Variants in CCDC91 observed in about 807,000 individuals in gnomAD.
CCDC91 encodes coiled-coil domain containing 91.
CCDC91 carries 48 observed loss-of-function variants against 63.2 expected under a neutral mutation model. That is an observed-to-expected ratio of 0.76 (90% confidence interval 0.60 to 0.97). The LOEUF (loss-of-function observed/expected upper bound fraction) is 0.97. Ranked by LOEUF, CCDC91 falls within the 50% of genes least tolerant of loss-of-function variation. The pLI is 0.00. For synonymous variants in CCDC91, 167 were observed against 165.8 expected (o/e 1.01, Z -0.06); for missense variants, 500 against 494.6 (o/e 1.01, Z -0.10).
intron 1 of CCDC91, among the ~76,000 whole-genome samples, chr12:28,219,611 A>G (rs979495667): frequency 6.6e-6 from 1 of 151,486 alleles, no homozygotes; most frequent in African/African-American, 2.4e-5. Context: ...AGCTGGGACT[A>G]CAGGTGTCTG....
rs189137888 is a variant in CCDC91, at chr12:28,463,586, G to C, written c.1101+10932G>C. 2.1e-3 allele frequency among the ~76,000 whole-genome samples: 317 copies of C among 152,238 alleles called. 5 individuals carry two copies. Among genetic ancestry groups the C allele is most frequent in the East Asian group, 1.2e-3 (6 of 5,170 alleles). Reference sequence around the variant, plus strand: ...GATGGCAGTTGAAAAGGTGAAGAAAGGACAGATAAACACTTTAAGGGGAAG... The same window carrying C: ...GATGGCAGTTGAAAAGGTGAAGAAACGACAGATAAACACTTTAAGGGGAAG... On this transcript the variant is annotated intron_variant, in intron 11 of 12. Coordinates refer to ENST00000536442, the MANE Select transcript of CCDC91 (RefSeq NM_018318.5).
At chr12:28,306,148 CG>C (rs965976080) in intron 4 of CCDC91, among the ~76,000 whole-genome samples, 6 of 151,864 alleles carry the variant, frequency 4.0e-5, no homozygotes, top group Non-Finnish European at 7.4e-5. Context: ...CGAATCTTAC[CG>C]CACATTTTCA....
At chr12:28,410,826 T>C (rs569688602) in intron 8 of CCDC91, among the ~76,000 whole-genome samples, 9 of 152,298 alleles carry the variant, frequency 5.9e-5, no homozygotes, top group East Asian at 1.9e-4. Flanking sequence ...CCAGCCTTAA[T>C]TGTGTTTTTA....
chr12:28,418,554 G>A (rs985721944), intron 8 of CCDC91, among the ~76,000 whole-genome samples: 1 of 151,904 alleles, frequency 6.6e-6, no homozygotes, highest in Non-Finnish European at 1.5e-5. Context: ...CCTTAATTGG[G>A]ATATAATCTC....
At chr12:28,472,572 A>T (rs1950875633) in intron 11 of CCDC91, among the ~76,000 whole-genome samples, 1 of 152,134 alleles carries the variant, frequency 6.6e-6, no homozygotes, top group Non-Finnish European at 1.5e-5. Context: ...CTATCATGAA[A>T]ATTGGTCACA....
At chr12:28,514,971 A>G (rs1939780860) in intron 12 of CCDC91, among the ~76,000 whole-genome samples, 2 of 151,786 alleles carry the variant, frequency 1.3e-5, no homozygotes, top group Admixed American at 1.3e-4. Context: ...CCCCATGACA[A>G]AAGTTGACCT....
chr12:28,466,193 G>A (rs1264430976), intron 11 of CCDC91, among the ~76,000 whole-genome samples: 1 of 152,140 alleles, frequency 6.6e-6, no homozygotes, highest in African/African-American at 2.4e-5. Flanking sequence ...AAAAAACAAT[G>A]AAGTATGCCT....
chr12:28,256,939 C>A, intron 1 of CCDC91: 1 of 354,136 alleles, frequency 2.8e-6, no homozygotes, highest in South Asian at 4.0e-5. Context: ...TTGGGAAAAG[C>A]AAATTAAAAT....
chr12:28,307,515 G>A, intron 5 of CCDC91, 130 bp from the exon 6 acceptor site: 1 of 555,168 alleles, frequency 1.8e-6, no homozygotes, highest in Non-Finnish European at 3.2e-6. Context: ...TTATAATATT[G>A]TTAGATTTTA....
intron 2 of CCDC91, among the ~76,000 whole-genome samples, chr12:28,258,645 G>A (rs561814227): frequency 1.6e-4 from 25 of 152,012 alleles, no homozygotes; most frequent in Non-Finnish European, 3.7e-4. Flanking sequence ...ACTGTATTCT[G>A]TGTCACTTAG....
chr12:28,463,995 C>T (rs1255825754), intron 11 of CCDC91, among the ~76,000 whole-genome samples: 1 of 152,108 alleles, frequency 6.6e-6, no homozygotes, highest in Non-Finnish European at 1.5e-5. Context: ...AAATCTCTGA[C>T]ACCACCCCTC....
chr12:28,293,726 G>A (rs573437568), intron 3 of CCDC91, among the ~76,000 whole-genome samples: 44 of 151,444 alleles, frequency 2.9e-4, no homozygotes, highest in Non-Finnish European at 4.9e-4. Context: ...TTCCTTGTCT[G>A]TATTTTTTTT....
At chr12:28,473,200 G>A (rs1950909063) in intron 11 of CCDC91, among the ~76,000 whole-genome samples, 1 of 152,110 alleles carries the variant, frequency 6.6e-6, no homozygotes. Context: ...AAAACTTTCA[G>A]TCAAAGCCCT....
intron 3 of CCDC91, among the ~76,000 whole-genome samples, chr12:28,305,395 G>A (rs1938603146): frequency 6.6e-6 from 1 of 151,972 alleles, no homozygotes; most frequent in Non-Finnish European, 1.5e-5. Flanking sequence ...TAAACACTAA[G>A]ACTTTATAAA....
chr12:28,321,041 A>C (rs977027967), intron 6 of CCDC91, among the ~76,000 whole-genome samples: 10 of 151,924 alleles, frequency 6.6e-5, no homozygotes, highest in African/African-American at 2.4e-4. Flanking sequence ...GAAATCTACT[A>C]TGTAAAACTG....
intron 8 of CCDC91, among the ~76,000 whole-genome samples, chr12:28,396,060 A>T (rs2139395719): frequency 6.6e-6 from 1 of 152,300 alleles, no homozygotes; most frequent in African/African-American, 2.4e-5. Context: ...ATAAGTTAGG[A>T]TGGAATAAAT....
chr12:28,327,935 A>G (rs1941164555), intron 6 of CCDC91, among the ~76,000 whole-genome samples: 1 of 152,162 alleles, frequency 6.6e-6, no homozygotes, highest in Admixed American at 6.5e-5. Flanking sequence ...AGCAGAGTTA[A>G]GGTGAGATAG....
chr12:28,240,035 C>T (rs981034021), intron 1 of CCDC91, among the ~76,000 whole-genome samples: 1 of 152,098 alleles, frequency 6.6e-6, no homozygotes. Flanking sequence ...TTTGCATAGG[C>T]ATTGGCAGAA....
At chr12:28,218,992 G>A (rs1444792491) in intron 1 of CCDC91, among the ~76,000 whole-genome samples, 3 of 152,202 alleles carry the variant, frequency 2.0e-5, no homozygotes, top group South Asian at 4.1e-4. Flanking sequence ...TGGGTTGTGT[G>A]GCAAGTGTAT....
Sources: gnomAD v4.1 joint callset for allele counts (sites outside exome capture counted in the v4.1 genomes callset) on GRCh38, gnomAD v4.1.1 for gene constraint, MANE v1.5 for transcripts, NCBI Gene and HGNC (gene_info 2026-07-23, HGNC 2026-07-21) for gene names.